Variants in ENPP1 observed in about 807,000 individuals in gnomAD.
ENPP1 encodes the protein ectonucleotide pyrophosphatase/phosphodiesterase 1.
In ENPP1, 73 loss-of-function variants were observed where a neutral mutation model predicts 122.8. The ratio of observed to expected loss-of-function variants is 0.59; its 90% confidence interval spans 0.49 to 0.72. The LOEUF (loss-of-function observed/expected upper bound fraction) is 0.72. Ranked by LOEUF, ENPP1 falls within the 30% of genes least tolerant of loss-of-function variation. ENPP1 has a pLI of 0.00. For missense variants in ENPP1, 978 were observed against 1,128.1 expected, an observed-to-expected ratio of 0.87 and a Z score of 1.91; for synonymous variants, 367 against 391.6, an observed-to-expected ratio of 0.94 and a Z score of 0.74.
intron 13 of ENPP1, 113 bp downstream of exon 13, chr6:131,869,602 G>A: frequency 9.5e-7 from 1 of 1,051,764 alleles, no homozygotes; most frequent in Non-Finnish European, 1.5e-6. Context: ...GCCAAAGTGG[G>A]TGGATCACCT....
At position 131,864,886 on chromosome 6, in the gene ENPP1, A is replaced by AAAAG; in HGVS notation, c.1112_1113insAAAG (p.Tyr371Ter). ...TTTAGACCACACTTTTACACTCTGT[A>AAAAG]TTTAGAAGAACCAGATTCTTCAGGT... On this transcript the variant is annotated stop_gained and frameshift_variant, in exon 11 of 25. Coordinates refer to ENST00000647893, the MANE Select transcript of ENPP1 (RefSeq NM_006208.3). LOFTEE classifies it high-confidence loss of function. 1 of 1,604,102 alleles carries AAAAG rather than the reference A, an allele frequency of 6.2e-7. No individual in the cohort carries two copies. The highest frequency in any genetic ancestry group is 8.5e-7 in the Non-Finnish European group (1 of 1,171,030).
chr6:131,861,408 CTA>C (rs1782021627), intron 8 of ENPP1, among the ~76,000 whole-genome samples, 185 bp from the exon 9 acceptor site: 2 of 152,142 alleles, frequency 1.3e-5, no homozygotes, highest in South Asian at 4.1e-4. Flanking sequence ...TAATCTCTGA[CTA>C]TTTAATATGT....
Position 131,886,610 on chromosome 6 carries a change from C to A in ENPP1, c.2493C>A (p.Phe831Leu). The change falls in exon 24 of 25, where the codon TTC (phenylalanine) becomes TTA (leucine). Residue 831 changes from phenylalanine to leucine, a missense_variant. Physicochemically the swap from Phe to Leu is conservative, Grantham distance 22. Transcript: ENST00000647893. ...RNQEILIPTH[F>L]FIVLTSCKDT... ...AAGAAATTTTGATTCCAACTCACTT[C>A]TTTATTGTGCTAACAAGCTGTAAAG... The A allele has an allele frequency of 6.2e-7, 1 of 1,613,886 alleles. No homozygotes were observed. Among genetic ancestry groups the A allele is most frequent in the Non-Finnish European group, 8.5e-7 (1 of 1,179,802 alleles).
rs1348337954 is a variant in ENPP1 at position 131,847,768 on chromosome 6, C to G, written c.241-8C>G. The G allele has an allele frequency of 6.3e-7, 1 of 1,592,118 alleles. No individual in the cohort carries two copies. The highest frequency in any genetic ancestry group is 1.7e-5 in the Admixed American group (1 of 59,892). On this transcript the variant is annotated splice_polypyrimidine_tract_variant and splice_region_variant and intron_variant, in intron 1 of 24. Transcript: ENST00000647893. ...GAAACCATGTAATTTTCTCTTTTCT[C>G]CCTACAGGTATTGTCAGTATGTGTG... is the stretch of plus-strand genomic sequence containing the variant.
chr6:131,870,601 A>G (rs1782149026), intron 13 of ENPP1, among the ~76,000 whole-genome samples: 1 of 152,238 alleles, frequency 6.6e-6, no homozygotes, highest in South Asian at 2.1e-4. Context: ...GATATGTTTC[A>G]ATAGATAGAT....
intron 1 of ENPP1, chr6:131,827,188 T>C: frequency 2.6e-6 from 2 of 777,370 alleles, no homozygotes; most frequent in Non-Finnish European, 4.7e-6. Flanking sequence ...AAGCTAATGT[T>C]TTTCAGTTTC....
At chr6:131,890,273 G>A (rs1349703669) in intron 24 of ENPP1, 68 bp from the exon 25 acceptor site, 7 of 1,242,140 alleles carry the variant, frequency 5.6e-6, no homozygotes, top group Admixed American at 1.7e-5. Flanking sequence ...CTGGGGAGAT[G>A]GAGCACTTAT....
intron 1 of ENPP1, among the ~76,000 whole-genome samples, chr6:131,840,305 C>T (rs974056813): frequency 6.6e-6 from 1 of 152,176 alleles, no homozygotes; most frequent in Non-Finnish European, 1.5e-5. Context: ...TTCCTTGCTC[C>T]TGCATGGTCT....
In ENPP1 at chr6:131,854,957, T is replaced by C; in HGVS notation, c.649T>C (p.Leu217=). ...FETPPTLLFS[L]DGFRAEYLHT... ...AACGCCTCCTACCCTCTTATTTTCT[T>C]TGGATGGATTCAGGGCAGAATATTT... The change falls in exon 6 of 25, where the codon TTG becomes CTG. Residue 217 remains leucine (L), a synonymous_variant. Coordinates refer to ENST00000647893, the MANE Select transcript of ENPP1 (RefSeq NM_006208.3). 1.9e-6 allele frequency: 3 copies of C among 1,613,796 alleles called. No homozygotes were observed. The highest frequency in any genetic ancestry group is 2.5e-6 in the Non-Finnish European group (3 of 1,179,788).
At chr6:131,822,181 T>G (rs1781491952) in intron 1 of ENPP1, among the ~76,000 whole-genome samples, 1 of 152,196 alleles carries the variant, frequency 6.6e-6, no homozygotes, top group Admixed American at 6.5e-5. Flanking sequence ...TGAAGAATAT[T>G]GACATATATA....
rs1288192479 is a variant in ENPP1, at chr6:131,890,536, T to A, written c.*25T>A. 1.9e-6 allele frequency: 3 copies of A among 1,582,358 alleles called. No homozygotes were observed. In the South Asian group the frequency reaches 3.3e-5, roughly 18 times the overall value. On this transcript the variant is annotated 3_prime_UTR_variant, in exon 25 of 25. Transcript: ENST00000647893. ...ATATGTTTTTTATCCCCAAACACCA[T>A]GAATCTTTTTGAGAGAACCTTATAT...
rs751824615 is a variant in ENPP1 at position 131,883,671 on chromosome 6, G to C, written c.2231-23G>C. On this transcript the variant is annotated intron_variant, in intron 21 of 24. Transcript: ENST00000647893. ...TATGTTATTTGTGAAGAATGAAAAA[G>C]TTGTCCTCTTTTCTCTTTGTAGAAC... 28 of 1,096,634 alleles carry C rather than the reference G, an allele frequency of 2.6e-5. No homozygotes were observed. The East Asian group carries it at 6.4e-4, about 25-fold the overall frequency. The allele number at this position is 1,096,634 out of a possible 1,614,324, so 67.9% of individuals were successfully genotyped here.
chr6:131,875,366 A>G (rs1236756672), intron 16 of ENPP1, among the ~76,000 whole-genome samples: 1 of 152,214 alleles, frequency 6.6e-6, no homozygotes, highest in Non-Finnish European at 1.5e-5. Context: ...ATAAGAAAGT[A>G]TCAGACTTAT....
intron 1 of ENPP1, among the ~76,000 whole-genome samples, chr6:131,829,369 C>CT (rs894029307): frequency 3.3e-5 from 5 of 152,088 alleles, no homozygotes; most frequent in Non-Finnish European, 4.4e-5. Flanking sequence ...TTTTTCTTTT[C>CT]TTTTTTTAAA....
intron 9 of ENPP1, among the ~76,000 whole-genome samples, chr6:131,862,693 T>TA (rs1185563223): frequency 1.3e-5 from 2 of 152,172 alleles, no homozygotes; most frequent in Admixed American, 6.5e-5. Context: ...TGTCAGCTGA[T>TA]ACATGGATTG....
chr6:131,861,130 TC>T (rs1362387245), intron 8 of ENPP1, among the ~76,000 whole-genome samples: 3 of 152,202 alleles, frequency 2.0e-5, no homozygotes, highest in Non-Finnish European at 4.4e-5. Context: ...GACAAATCAT[TC>T]TGTTTCTGCC....
intron 1 of ENPP1, among the ~76,000 whole-genome samples, chr6:131,842,862 G>T (rs1781759299): frequency 6.6e-6 from 1 of 151,986 alleles, no homozygotes; most frequent in South Asian, 2.1e-4. Context: ...TAATGCCATT[G>T]TATTTGAGGG....
rs527544803 is a variant in ENPP1 at position 131,827,147 on chromosome 6, G to C, written c.240+18872G>C. On this transcript the variant is annotated intron_variant, in intron 1 of 24. Coordinates refer to ENST00000647893, the MANE Select transcript of ENPP1 (RefSeq NM_006208.3). The stretch of plus-strand genomic sequence containing the variant: ...GGAAGACTGTTGAGCATAAAAAGAT[G>C]CAGTTCTATCTTGTCTTGGACATTT... 1.6e-5 allele frequency: 12 copies of C among 727,964 alleles called. No homozygotes were observed. In the African/African-American group the frequency reaches 1.7e-4, roughly 10 times the overall value. The allele number at this position is 727,964 out of a possible 1,614,324, so 45.1% of individuals were successfully genotyped here.
intron 24 of ENPP1, among the ~76,000 whole-genome samples, chr6:131,888,669 A>T (rs1782420874): frequency 1.3e-5 from 2 of 152,018 alleles, no homozygotes; most frequent in Admixed American, 1.3e-4. Flanking sequence ...TTTTCCCTTT[A>T]TTCTTTAGAA....
Sources: allele counts gnomAD v4.1 joint callset (sites outside exome capture counted in the v4.1 genomes callset), GRCh38; gene constraint gnomAD v4.1.1; transcripts MANE v1.5; gene names NCBI Gene and HGNC (gene_info 2026-07-23, HGNC 2026-07-21).